The following PIK3C2G variants were observed in gnomAD, a reference collection of about 807,000 sequenced individuals.
PIK3C2G encodes phosphatidylinositol-4-phosphate 3-kinase catalytic subunit type 2 gamma.
Under a neutral mutation model 181.1 loss-of-function variants are expected in PIK3C2G, and 168 were observed. The ratio of observed to expected loss-of-function variants is 0.93; its 90% CI spans 0.82 to 1.05. The LOEUF is 1.05. Ranked by LOEUF, PIK3C2G falls within the 50% of genes least tolerant of loss-of-function variation. The pLI, the probability that PIK3C2G is intolerant of heterozygous loss-of-function variation, is 0.00. For synonymous variants in PIK3C2G, 573 were observed against 592.2 expected, an observed-to-expected ratio of 0.97 and a Z score of 0.47; for missense variants, 1,869 against 1,732.8, an observed-to-expected ratio of 1.08 and a Z score of -1.40.
chr12:18,330,819 G>C (rs957974682), intron 8 of PIK3C2G, among the ~76,000 whole-genome samples: 5 of 152,072 alleles, frequency 3.3e-5, no homozygotes, highest in African/African-American at 9.7e-5. Flanking sequence ...TGAAAACTTT[G>C]TCTCCCTGTC....
chr12:18,546,464 T>A (rs1399530639), intron 26 of PIK3C2G, 32 bp downstream of exon 26: 4 of 1,140,538 alleles, frequency 3.5e-6, no homozygotes, highest in Non-Finnish European at 5.2e-6. Context: ...TGAGCATGCA[T>A]GCATGAATGT....
chr12:18,443,394 T>C lies in PIK3C2G; in HGVS notation c.2504+19355T>C, dbSNP rs115140710. Among the ~76,000 whole-genome samples, 1,160 of 152,294 alleles carry C rather than the reference T, an allele frequency of 7.6e-3. 15 individuals are homozygous for C. Among genetic ancestry groups the C allele is most frequent in the African/African-American group, 0.027 (1,104 of 41,568 alleles). ...TCAGTATATTTATTTAATTTGAGAC[T>C]TTCATTCAATGTGATGTGAATGTAT... On this transcript the variant is annotated intron_variant, in intron 18 of 32. Transcript: ENST00000538779.
chr12:18,427,602 C>T (rs368595149), intron 18 of PIK3C2G, among the ~76,000 whole-genome samples: 11 of 151,490 alleles, frequency 7.3e-5, no homozygotes, highest in East Asian at 3.9e-4. Context: ...CTTGGACCAC[C>T]TCAGTAAGTT....
At chr12:18,369,248 CCT>C in intron 12 of PIK3C2G, among the ~76,000 whole-genome samples, 1 of 152,258 alleles carries the variant, frequency 6.6e-6, no homozygotes, top group East Asian at 1.9e-4. Flanking sequence ...TGACTCTGGC[CCT>C]GTCTGCCAAA....
At chr12:18,536,480 T>C (rs1438750726) in intron 24 of PIK3C2G, among the ~76,000 whole-genome samples, 1 of 152,048 alleles carries the variant, frequency 6.6e-6, no homozygotes, top group Non-Finnish European at 1.5e-5. Context: ...CTACTATAGT[T>C]AAGTGGTGAA....
chr12:18,481,666 A>G (rs1420204105), intron 18 of PIK3C2G, among the ~76,000 whole-genome samples: 2 of 152,162 alleles, frequency 1.3e-5, no homozygotes, highest in Non-Finnish European at 2.9e-5. Context: ...AATACAATTC[A>G]TTGCTTAGCC....
At position 18,279,429 on chromosome 12, in the gene PIK3C2G, A is replaced by G. The variant is rs1949121063; in HGVS notation, c.-78-2575A>G. Among the ~76,000 whole-genome samples, 3 of 152,048 alleles carry G rather than the reference A, an allele frequency of 2.0e-5. No individual in the cohort carries two copies. The South Asian group carries it at 6.2e-4, about 31-fold the overall frequency. ...GCCTAAAGAAATCTTTAATTGCATT[A>G]TCAGACCATTGATACCTTATTTAAA... On this transcript the variant is annotated intron_variant, in intron 1 of 32. Coordinates refer to ENST00000538779, the MANE Select transcript of PIK3C2G (RefSeq NM_001288772.2).
chr12:18,628,175 A>G (rs940540547), intron 31 of PIK3C2G, among the ~76,000 whole-genome samples: 6 of 152,156 alleles, frequency 3.9e-5, no homozygotes, highest in Non-Finnish European at 5.9e-5. Flanking sequence ...TGGCCTGAGG[A>G]TTATTTTAAT....
chr12:18,262,574 A>G (rs966878682), intron 1 of PIK3C2G, among the ~76,000 whole-genome samples: 2 of 151,646 alleles, frequency 1.3e-5, no homozygotes, highest in African/African-American at 2.4e-5. Flanking sequence ...GCATAAGAAA[A>G]TAGTGAGCAT....
At position 18,572,410 on chromosome 12, in the gene PIK3C2G, T is replaced by C. The variant is rs577430232; in HGVS notation, c.4011+5353T>C. Among the ~76,000 whole-genome samples, 454 of 148,696 alleles carry C rather than the reference T, an allele frequency of 3.1e-3. 2 individuals are homozygous for C. The highest frequency in any genetic ancestry group is 0.011 in the African/African-American group (434 of 40,978). ...TATAATAAAGCTTTATGTTATTAAA[T>C]ATAAAATTTATATAATAAAGCTTTA... On this transcript the variant is annotated intron_variant, in intron 29 of 32. Transcript: ENST00000538779.
intron 18 of PIK3C2G, among the ~76,000 whole-genome samples, chr12:18,436,657 C>A (rs1366485416): frequency 6.6e-6 from 1 of 151,824 alleles, no homozygotes; most frequent in African/African-American, 2.4e-5. Context: ...GTTAATTTAC[C>A]TTGACTACTA....
intron 9 of PIK3C2G, among the ~76,000 whole-genome samples, chr12:18,340,694 C>T (rs1939054186): frequency 6.6e-6 from 1 of 152,088 alleles, no homozygotes; most frequent in Admixed American, 6.6e-5. Flanking sequence ...AAAACTAATT[C>T]ACTTTTTGGA....
chr12:18,291,274 C>A (rs1485171053), intron 4 of PIK3C2G, among the ~76,000 whole-genome samples: 1 of 152,110 alleles, frequency 6.6e-6, no homozygotes, highest in Non-Finnish European at 1.5e-5. Flanking sequence ...GCAAGTATAG[C>A]AAGTTTTTAA....
chr12:18,583,682 T>C (rs1946619454), intron 29 of PIK3C2G, among the ~76,000 whole-genome samples: 1 of 152,042 alleles, frequency 6.6e-6, no homozygotes, highest in Non-Finnish European at 1.5e-5. Flanking sequence ...CTTCCCAACC[T>C]GGGACTGCAG....
At chr12:18,357,939 C>G (rs1205005974) in intron 11 of PIK3C2G, among the ~76,000 whole-genome samples, 1 of 152,162 alleles carries the variant, frequency 6.6e-6, no homozygotes, top group Non-Finnish European at 1.5e-5. Flanking sequence ...TCTTCCTTGT[C>G]AAGGTTGAAT....
At chr12:18,494,755 T>C (rs1478625312) in intron 20 of PIK3C2G, among the ~76,000 whole-genome samples, 2 of 152,174 alleles carry the variant, frequency 1.3e-5, no homozygotes, top group South Asian at 2.1e-4. Context: ...TATATGGTCA[T>C]GTGATCCCTA....
chr12:18,254,869 A>AATG (rs1240070906), intron 1 of PIK3C2G, among the ~76,000 whole-genome samples: 2 of 151,648 alleles, frequency 1.3e-5, no homozygotes, highest in African/African-American at 4.8e-5. Flanking sequence ...TAATAATAAT[A>AATG]ATAATTTCTT....
chr12:18,532,436 A>C (rs1396652016), intron 24 of PIK3C2G, among the ~76,000 whole-genome samples: 1 of 152,016 alleles, frequency 6.6e-6, no homozygotes, highest in African/African-American at 2.4e-5. Context: ...TTTTTCCTAA[A>C]AGTTGTATAA....
At chr12:18,507,340 C>T (rs1449438927) in intron 24 of PIK3C2G, among the ~76,000 whole-genome samples, 1 of 152,094 alleles carries the variant, frequency 6.6e-6, no homozygotes, top group African/African-American at 2.4e-5. Flanking sequence ...TCATTCGCTT[C>T]TTAAATGTCC....
Sources: allele counts gnomAD v4.1 joint callset (sites outside exome capture counted in the v4.1 genomes callset), GRCh38; gene constraint gnomAD v4.1.1; transcripts MANE v1.5; gene names NCBI Gene and HGNC (gene_info 2026-07-23, HGNC 2026-07-21).